Variants in ANO3 observed in about 807,000 individuals in gnomAD.
The protein encoded by ANO3 is anoctamin-3.
A neutral mutation model predicts 144.8 loss-of-function variants in ANO3; 99 were observed. The observed-to-expected ratio is 0.68, with a 90% confidence interval of 0.58 to 0.81. The LOEUF is 0.81. Among genes scored for constraint, ANO3 ranks in the 30% least tolerant of loss-of-function variants. The pLI, the probability that ANO3 is intolerant of heterozygous loss-of-function variation, is 0.00. For synonymous variants in ANO3, 414 were observed against 392.6 expected (o/e 1.05, Z -0.64); for missense variants, 905 against 1,202.2 (o/e 0.75, Z 3.66).
intron 1 of ANO3, among the ~76,000 whole-genome samples, chr11:26,441,143 AGTCTCGCTCT>A (rs1471495776): frequency 1.2e-5 from 1 of 82,098 alleles, no homozygotes; most frequent in East Asian, 4.7e-4. Context: ...TTTGAGACGG[AGTCTCGCTCT>A]GTCGCCCAGG....
At position 26,565,152 on chromosome 11, in the gene ANO3, C is replaced by A. The variant is rs145156749; in HGVS notation, c.1447+5373C>A. The A allele has an allele frequency of 9.5e-5, 141 of 1,491,668 alleles. No homozygotes were observed. The African/African-American group carries it at 1.8e-3, about 19-fold the overall frequency. The allele number at this position is 1,491,668 out of a possible 1,614,324, so 92.4% of individuals were successfully genotyped here. Reference sequence around the variant, plus strand: ...TTTCACACAAAAGGAAAGTTAAAATCATTTATATTTACCTTTTTGGGGATC... The same window carrying A: ...TTTCACACAAAAGGAAAGTTAAAATAATTTATATTTACCTTTTTGGGGATC... On this transcript the variant is annotated intron_variant, in intron 14 of 26. Transcript: ENST00000256737.
chr11:26,359,015 T>G (rs530081016), intron 1 of ANO3, among the ~76,000 whole-genome samples: 41 of 152,326 alleles, frequency 2.7e-4, no homozygotes, highest in Middle Eastern at 3.4e-3. Context: ...TGTCTTTATG[T>G]GTTCATGTTA....
chr11:26,296,340 G>A (rs1367389546), intron 1 of ANO3, among the ~76,000 whole-genome samples: 1 of 151,448 alleles, frequency 6.6e-6, no homozygotes. Context: ...TACAAGAGAT[G>A]CTCCGGCTTA....
At chr11:26,563,597 C>T (rs1296484129) in intron 14 of ANO3, among the ~76,000 whole-genome samples, 1 of 151,822 alleles carries the variant, frequency 6.6e-6, no homozygotes, top group Non-Finnish European at 1.5e-5. Context: ...GTGCATACTC[C>T]ATTAAGATCT....
At chr11:26,438,683 C>A (rs1372231234) in intron 1 of ANO3, among the ~76,000 whole-genome samples, 15 of 145,550 alleles carry the variant, frequency 1.0e-4, no homozygotes, top group Non-Finnish European at 1.3e-4. Context: ...GGGGCTGGGG[C>A]AGGAAAGTGG....
chr11:26,583,269 C>T (rs1407754648), intron 14 of ANO3, among the ~76,000 whole-genome samples: 1 of 152,152 alleles, frequency 6.6e-6, no homozygotes, highest in Non-Finnish European at 1.5e-5. Context: ...GGAAAGATGT[C>T]AAGTCTGATT....
chr11:26,495,614 T>C (rs1485329591), intron 4 of ANO3, among the ~76,000 whole-genome samples: 3 of 152,208 alleles, frequency 2.0e-5, no homozygotes, highest in African/African-American at 7.2e-5. Context: ...AATATAGTTG[T>C]TTGATAATCC....
In ANO3 at chr11:26,442,032, C is replaced by T. The variant is rs758782141; in HGVS notation, c.161C>T (p.Thr54Ile). The change falls in exon 2 of 27, where the codon ACT becomes ATT. Residue 54 changes from threonine (T) to isoleucine (I), a missense_variant. Thr to Ile is a moderately conservative substitution (Grantham distance 89). Around this residue, in one of 4 missense-constraint regions of ANO3, gnomAD observed 174 missense variants for 171.9 expected, o/e 1.01. Coordinates refer to ENST00000256737, the MANE Select transcript of ANO3 (RefSeq NM_031418.4). ...TACTCAAAGAGCTTGAGCCAGTCTA[C>T]TTCCCTCTTCCAGTCAACCGAGAGT... ...YAYSKSLSQSTSLFQSTESES... is the reference protein window; with the variant it reads ...YAYSKSLSQSISLFQSTESES... 5 of 1,614,216 alleles carry T rather than the reference C, an allele frequency of 3.1e-6. No homozygotes were observed. Among genetic ancestry groups the T allele is most frequent in the South Asian group, 1.1e-5 (1 of 91,086 alleles).
chr11:26,210,762 C>T (rs1851915614), intron 1 of ANO3, among the ~76,000 whole-genome samples: 1 of 142,670 alleles, frequency 7.0e-6, no homozygotes, highest in Admixed American at 7.0e-5. Flanking sequence ...TGGGAGTTCC[C>T]TCATGATTTG....
At chr11:26,605,312 G>A (rs1057092617) in intron 17 of ANO3, among the ~76,000 whole-genome samples, 7 of 152,018 alleles carry the variant, frequency 4.6e-5, no homozygotes, top group South Asian at 2.1e-4. Context: ...TGCTGGATTC[G>A]GTTTGCCAAT....
chr11:26,239,890 T>C (rs1296419156), intron 1 of ANO3, among the ~76,000 whole-genome samples: 2 of 152,196 alleles, frequency 1.3e-5, no homozygotes, highest in Non-Finnish European at 2.9e-5. Flanking sequence ...ACAGATTACA[T>C]GGGAATTGTC....
At chr11:26,520,218 G>A (rs1240184918) in intron 6 of ANO3, among the ~76,000 whole-genome samples, 1 of 152,136 alleles carries the variant, frequency 6.6e-6, no homozygotes, top group Non-Finnish European at 1.5e-5. Flanking sequence ...AGGTCTTTGG[G>A]CTGTGTGCCA....
chr11:26,325,046 A>C (rs1156305804), intron 1 of ANO3, among the ~76,000 whole-genome samples: 3 of 152,164 alleles, frequency 2.0e-5, no homozygotes, highest in Non-Finnish European at 4.4e-5. Context: ...TTAACATGCA[A>C]ACTTTCCTGA....
rs746463223 is a variant in ANO3, at chr11:26,191,335, TACAC to T, written c.154+2029_154+2032del. On this transcript the variant is annotated intron_variant, in intron 1 of 27. Transcript: ENST00000672621. ...ACACACACATATATATATACACACATACACACACACACACACACACACACACATA... is the reference window on the plus strand; with the variant it reads ...ACACACACATATATATATACACACATACACACACACACACACACACACATA... Among the ~76,000 whole-genome samples, 437 of 144,184 alleles carry T rather than the reference TACAC, an allele frequency of 3.0e-3. 4 individuals are homozygous for T. The highest frequency in any genetic ancestry group is 8.4e-3 in the East Asian group (41 of 4,898). 94.6% of individuals were successfully genotyped at this position (144,184 alleles called of 152,430 possible). A position where few individuals can be genotyped will look rare whatever the true frequency, so the allele number is the denominator to read the frequency against.
intron 7 of ANO3, 100 bp downstream of exon 7, chr11:26,525,779 A>G: frequency 1.2e-6 from 1 of 833,400 alleles, no homozygotes; most frequent in East Asian, 2.8e-5. Flanking sequence ...AATCATAGGA[A>G]GAAAAATTCT....
At chr11:26,632,175 A>G (rs1484200723) in intron 18 of ANO3, among the ~76,000 whole-genome samples, 35 of 142,416 alleles carry the variant, frequency 2.5e-4, no homozygotes, top group East Asian at 8.5e-4. Flanking sequence ...CTGGGCGACA[A>G]AGTGAGACTC....
At chr11:26,600,837 A>T (rs891931293) in intron 17 of ANO3, among the ~76,000 whole-genome samples, 29 of 151,874 alleles carry the variant, frequency 1.9e-4, no homozygotes, top group African/African-American at 6.8e-4. Flanking sequence ...TGCTTATTTA[A>T]CTTAAATCAT....
At chr11:26,257,810 A>G (rs1188729127) in intron 1 of ANO3, among the ~76,000 whole-genome samples, 1 of 152,156 alleles carries the variant, frequency 6.6e-6, no homozygotes, top group African/African-American at 2.4e-5. Flanking sequence ...ATCATAAAGA[A>G]TAAGGAGAGA....
chr11:26,227,514 CCAAATCCATATTTAGAAAA>C (rs1268207701), intron 1 of ANO3, among the ~76,000 whole-genome samples: 2 of 152,262 alleles, frequency 1.3e-5, no homozygotes, highest in African/African-American at 4.8e-5. Flanking sequence ...TGCTGTGAAA[CCAAATCCATATTTAGAAAA>C]CAAAGATGAA....
Sources: gnomAD v4.1 joint callset for allele counts (sites outside exome capture counted in the v4.1 genomes callset) on GRCh38, gnomAD v4.1.1 for gene constraint, gnomAD v4.1.1 regional missense constraint, MANE v1.5 for transcripts, NCBI Gene and HGNC (gene_info 2026-07-23, HGNC 2026-07-21) for gene names.